The following MYO18B variants were observed in gnomAD, a reference collection of about 807,000 sequenced individuals.
The protein encoded by MYO18B is myosin XVIIIB, also known as unconventional myosin-XVIIIb.
In MYO18B, 204 loss-of-function variants were observed where a neutral mutation model predicts 273.0. That is an observed-to-expected ratio of 0.75 (90% CI 0.67 to 0.84). MYO18B has a LOEUF of 0.84. Among genes scored for constraint, MYO18B ranks in the 40% least tolerant of loss-of-function variants. The pLI, the probability that MYO18B is intolerant of heterozygous loss-of-function variation, is 0.00. For synonymous variants in MYO18B, 1,330 were observed against 1,305.7 expected (o/e 1.02, Z -0.40); for missense variants, 3,212 against 3,287.6 (o/e 0.98, Z 0.56).
At chr22:25,875,884 T>G (rs1006396704) in intron 23 of MYO18B, among the ~76,000 whole-genome samples, 1 of 152,190 alleles carries the variant, frequency 6.6e-6, no homozygotes, top group Non-Finnish European at 1.5e-5. Context: ...AGATGTAACC[T>G]ATTGTATAGT....
chr22:25,852,996 C>G (rs1408468166), intron 21 of MYO18B, among the ~76,000 whole-genome samples: 1 of 152,178 alleles, frequency 6.6e-6, no homozygotes, highest in African/African-American at 2.4e-5. Flanking sequence ...GAGCTGGGAT[C>G]TGAATAGCAA....
intron 3 of MYO18B, among the ~76,000 whole-genome samples, chr22:25,764,907 C>T (rs1401520598): frequency 1.3e-5 from 2 of 151,918 alleles, no homozygotes; most frequent in Non-Finnish European, 2.9e-5. Flanking sequence ...AAGTGATTTT[C>T]CCAAGGTCAT....
At chr22:25,844,543 C>A (rs149024134) in intron 18 of MYO18B, among the ~76,000 whole-genome samples, 1 of 152,174 alleles carries the variant, frequency 6.6e-6, no homozygotes, top group Non-Finnish European at 1.5e-5. Context: ...TCAGCATAAA[C>A]GCTTTATGAG....
intron 42 of MYO18B, among the ~76,000 whole-genome samples, chr22:26,008,488 G>A (rs2146935734): frequency 6.6e-6 from 1 of 152,292 alleles, no homozygotes; most frequent in East Asian, 1.9e-4. Flanking sequence ...ACAGAAGAGA[G>A]GGAGAAAGCA....
chr22:25,920,443 C>G (rs2092323986), intron 33 of MYO18B, among the ~76,000 whole-genome samples: 1 of 152,128 alleles, frequency 6.6e-6, no homozygotes, highest in Non-Finnish European at 1.5e-5. Context: ...TACTTTTTGG[C>G]CACTGAAGGC....
chr22:25,769,314 C>A lies in MYO18B; in HGVS notation c.1398C>A (p.Pro466=). 1.9e-6 allele frequency: 3 copies of A among 1,579,146 alleles called. No homozygotes were observed. Among genetic ancestry groups the A allele is most frequent in the East Asian group, 4.7e-5 (2 of 42,932 alleles). Residue 466 remains proline, a synonymous_variant, in exon 4 of 44, where the codon CCC becomes CCA. Transcript: ENST00000335473. ...CCCTGGAGACAGAGCTGGAAGGACCCAGCCAGCCTGCTCTGGAGAAGGATG... is the reference window on the plus strand; with the variant it reads ...CCCTGGAGACAGAGCTGGAAGGACCAAGCCAGCCTGCTCTGGAGAAGGATG... ...AGALETELEG[P]SQPALEKDAE...
intron 38 of MYO18B, among the ~76,000 whole-genome samples, chr22:25,954,893 A>T (rs1198758270): frequency 6.6e-6 from 1 of 152,026 alleles, no homozygotes; most frequent in Non-Finnish European, 1.5e-5. Flanking sequence ...TGTATTTCTT[A>T]GAGAAGGGAT....
At chr22:25,902,249 G>T (rs2091953154) in intron 29 of MYO18B, among the ~76,000 whole-genome samples, 1 of 152,090 alleles carries the variant, frequency 6.6e-6, no homozygotes, top group African/African-American at 2.4e-5. Context: ...TAGCATTTTA[G>T]TAGGGAGATG....
At chr22:25,857,849 C>T (rs984877894) in intron 21 of MYO18B, among the ~76,000 whole-genome samples, 5 of 152,214 alleles carry the variant, frequency 3.3e-5, no homozygotes, top group East Asian at 1.9e-4. Context: ...GACCTGGTTT[C>T]GCCATGTTGG....
chr22:25,780,016 G>A (rs1386658304), intron 8 of MYO18B, 40 bp from the exon 9 acceptor site: 1 of 1,530,412 alleles, frequency 6.5e-7, no homozygotes, highest in South Asian at 1.2e-5. Context: ...GGCAGCACCT[G>A]GGCCATCAGT....
chr22:25,965,877 C>A (rs956260351), intron 39 of MYO18B, among the ~76,000 whole-genome samples: 1 of 152,180 alleles, frequency 6.6e-6, no homozygotes, highest in Non-Finnish European at 1.5e-5. Flanking sequence ...TGTGACCTGG[C>A]GTCTCCTTGG....
At chr22:26,039,850 G>T in the MYO18B span, among the ~76,000 whole-genome samples, 4 of 151,806 alleles carry the variant, frequency 2.6e-5, no homozygotes, top group African/African-American at 7.3e-5. Context: ...TTCAAGGCAG[G>T]CTCTCACTGT....
In MYO18B at chr22:25,828,878, T is replaced by G. The variant is rs1323163890; in HGVS notation, c.2889T>G (p.Phe963Leu). 4 of 1,613,984 alleles carry G rather than the reference T, an allele frequency of 2.5e-6. No individual in the cohort carries two copies. Among genetic ancestry groups the G allele is most frequent in the Non-Finnish European group, 3.4e-6 (4 of 1,179,878 alleles). Residue 963 changes from phenylalanine to leucine, a missense_variant, in exon 15 of 44, where the codon TTT (phenylalanine) becomes TTG (leucine). Coordinates refer to ENST00000335473, the MANE Select transcript of MYO18B (RefSeq NM_032608.7). ...AGGGCAAGGACCGGGCGGCCACCTT[T>G]GAGGAGCTGTGCCACAACTACGCCC... ...RHQGKDRAATFEELCHNYAHE... is the reference protein window; with the variant it reads ...RHQGKDRAATLEELCHNYAHE...
At position 25,883,408 on chromosome 22, in the gene MYO18B, C is replaced by G. The variant is rs2091403734; in HGVS notation, c.4314+5360C>G. 6.6e-6 allele frequency: 1 copy of G among 152,208 alleles called. No homozygotes were observed. The highest frequency in any genetic ancestry group is 1.9e-4 in the East Asian group (1 of 5,194). The allele number at this position is 152,208 out of a possible 1,614,324, so 9.4% of individuals were successfully genotyped here. A position where few individuals can be genotyped will look rare whatever the true frequency, so the allele number is the denominator to read the frequency against. ...TGTCAGAATGCCCTGTAAGACTTCT[C>G]CGAATACAGATTGCTAGACTCCAGC... is the stretch of plus-strand genomic sequence containing the variant. On this transcript the variant is annotated intron_variant, in intron 25 of 43. Transcript: ENST00000335473. This position sits in a 1 kb window ranked among gnomAD's most constrained non-coding sequence, Gnocchi z 7.6.
intron 39 of MYO18B, among the ~76,000 whole-genome samples, chr22:25,981,992 G>A (rs561905984): frequency 6.6e-6 from 1 of 152,314 alleles, no homozygotes; most frequent in African/African-American, 2.4e-5. Flanking sequence ...GAGGCCTCAG[G>A]AAGCACAATC....
At chr22:26,043,353 C>A in the MYO18B span, among the ~76,000 whole-genome samples, 1 of 152,082 alleles carries the variant, frequency 6.6e-6, no homozygotes, top group African/African-American at 2.4e-5. Flanking sequence ...ATGAAGAAAG[C>A]TGCTGTGAAC....
At chr22:25,915,484 C>A (rs932958126) in intron 33 of MYO18B, among the ~76,000 whole-genome samples, 1 of 152,076 alleles carries the variant, frequency 6.6e-6, no homozygotes, top group African/African-American at 2.4e-5. Context: ...AGAAAAGGTA[C>A]AGCAAAAGTA....
At chr22:25,865,294 G>A (rs896066822) in intron 21 of MYO18B, among the ~76,000 whole-genome samples, 1 of 152,136 alleles carries the variant, frequency 6.6e-6, no homozygotes, top group African/African-American at 2.4e-5. Context: ...TGTAAAATGA[G>A]ATCAACAGAA....
intron 13 of MYO18B, among the ~76,000 whole-genome samples, chr22:25,825,351 G>A (rs1438854734): frequency 6.6e-6 from 1 of 152,136 alleles, no homozygotes; most frequent in African/African-American, 2.4e-5. Context: ...TGCCTGGAAT[G>A]TACAAGCAGA....
Sources: gnomAD v4.1 joint callset for allele counts (sites outside exome capture counted in the v4.1 genomes callset) on GRCh38, gnomAD v4.1.1 for gene constraint, Gnocchi (gnomAD v3.1) non-coding constraint, MANE v1.5 for transcripts, NCBI Gene and HGNC (gene_info 2026-07-23, HGNC 2026-07-21) for gene names.